Variants in EVC2 observed in about 807,000 individuals in gnomAD.
EVC2 encodes EvC ciliary complex subunit 2.
A neutral mutation model predicts 149.3 loss-of-function variants in EVC2; 148 were observed. The observed-to-expected ratio is 0.99, with a 90% CI of 0.87 to 1.14. EVC2 has a LOEUF of 1.14. Ranked by LOEUF, EVC2 falls within the 50% of genes most tolerant of loss-of-function variation. The pLI is 0.00. For missense variants in EVC2, 1,854 were observed against 1,627.3 expected, an observed-to-expected ratio of 1.14 and a Z score of -2.40; for synonymous variants, 776 against 649.9, an observed-to-expected ratio of 1.19 and a Z score of -2.95.
chr4:5,636,437 T>C lies in EVC2; in HGVS notation c.1470+4077A>G, dbSNP rs1056259684. On this transcript the variant is annotated intron_variant, in intron 10 of 21. Coordinates refer to ENST00000344408, the MANE Select transcript of EVC2 (RefSeq NM_147127.5). The surrounding 1 kb of genome is among the most constrained non-coding windows in gnomAD (Gnocchi z 4.6). ...GTGTATTGAACACATACAGACTATT[T>C]TTTTCTTGTTGTTATTCCCTAAACA... Among the ~76,000 whole-genome samples the C allele has an allele frequency of 1.3e-5, 2 of 152,230 alleles. No individual in the cohort carries two copies. Among genetic ancestry groups the C allele is most frequent in the Non-Finnish European group, 2.9e-5 (2 of 68,034 alleles).
intron 21 of EVC2, 22 bp downstream of exon 21, chr4:5,565,236 A>C: frequency 1.2e-6 from 2 of 1,610,224 alleles, no homozygotes; most frequent in Non-Finnish European, 1.7e-6. Flanking sequence ...CCCCAGCCAC[A>C]TGAGCAGGTG....
the EVC2 span, among the ~76,000 whole-genome samples, chr4:5,533,585 C>G: frequency 6.6e-6 from 1 of 152,210 alleles, no homozygotes; most frequent in African/African-American, 2.4e-5. Context: ...GATTAAGATG[C>G]TTGTCTCACG....
chr4:5,534,286 T>C, the EVC2 span, among the ~76,000 whole-genome samples: 1 of 152,164 alleles, frequency 6.6e-6, no homozygotes, highest in South Asian at 2.1e-4. Flanking sequence ...GTGGGTGCTG[T>C]TCACTGCCAC....
chr4:5,694,976 T>C (rs1380052456), intron 2 of EVC2, among the ~76,000 whole-genome samples: 2 of 152,116 alleles, frequency 1.3e-5, no homozygotes, highest in African/African-American at 4.8e-5. Context: ...GAGTAAGCCC[T>C]CAGTGAACAC....
intron 19 of EVC2, 116 bp downstream of exon 19, chr4:5,574,569 G>A (rs531411166): frequency 9.6e-7 from 1 of 1,046,264 alleles, no homozygotes. Context: ...TGCTCTGCAG[G>A]TTCCAAGGCT....
chr4:5,663,088 T>A lies in EVC2; in HGVS notation c.1145+19A>T. The A allele has an allele frequency of 1.2e-6, 2 of 1,613,782 alleles. No homozygotes were observed. The highest frequency in any genetic ancestry group is 2.2e-5 in the South Asian group (2 of 91,046). On this transcript the variant is annotated intron_variant, in intron 9 of 21. Transcript: ENST00000344408. ...ATTCATCACATGTGTGTAAGTATAA[T>A]GGGATTTAGAATTCTTACTCTTCTA...
intron 5 of EVC2, among the ~76,000 whole-genome samples, chr4:5,687,367 C>T (rs1400399730): frequency 6.6e-6 from 1 of 152,182 alleles, no homozygotes; most frequent in African/African-American, 2.4e-5. Flanking sequence ...GCTTTAACTC[C>T]CTTACCCTCA....
At position 5,657,184 on chromosome 4, in the gene EVC2, T is replaced by A. The variant is rs1182902653; in HGVS notation, c.1145+5923A>T. 1.3e-5 allele frequency among the ~76,000 whole-genome samples: 2 copies of A among 152,146 alleles called. No homozygotes were observed. The highest frequency in any genetic ancestry group is 1.9e-4 in the East Asian group (1 of 5,162). ...CCATGTTGCTCAGCAAGTCTGGGTT[T>A]CTCTAGTAAGCCACTTCCCCGTGGT... is the stretch of plus-strand genomic sequence containing the variant. On this transcript the variant is annotated intron_variant, in intron 9 of 21. Transcript: ENST00000344408. The surrounding 1 kb of genome is among the most constrained non-coding windows in gnomAD (Gnocchi z 4.7).
At chr4:5,676,055 G>A (rs1431002921) in intron 7 of EVC2, among the ~76,000 whole-genome samples, 1 of 152,182 alleles carries the variant, frequency 6.6e-6, no homozygotes, top group Non-Finnish European at 1.5e-5. Context: ...CCTGGCAGCA[G>A]AACACTGTGA....
intron 7 of EVC2, among the ~76,000 whole-genome samples, chr4:5,675,072 T>C (rs1719903552): frequency 6.6e-6 from 1 of 152,220 alleles, no homozygotes; most frequent in South Asian, 2.1e-4. Flanking sequence ...AGCCTCGTCT[T>C]TGGGAAATTC....
At chr4:5,588,105 G>A (rs985668786) in intron 16 of EVC2, among the ~76,000 whole-genome samples, 1 of 152,068 alleles carries the variant, frequency 6.6e-6, no homozygotes, top group Non-Finnish European at 1.5e-5. Context: ...AAAACTTTCA[G>A]CATTGTAAGT....
chr4:5,579,156 G>A (rs1350779441), intron 17 of EVC2, among the ~76,000 whole-genome samples: 2 of 152,092 alleles, frequency 1.3e-5, no homozygotes, highest in African/African-American at 4.8e-5. Flanking sequence ...CTTGGCCACC[G>A]TGCAGGGGGG....
At chr4:5,694,983 A>C (rs1308797035) in intron 2 of EVC2, among the ~76,000 whole-genome samples, 1 of 152,134 alleles carries the variant, frequency 6.6e-6, no homozygotes, top group African/African-American at 2.4e-5. Context: ...CCCTCAGTGA[A>C]CACCACCAAC....
chr4:5,640,494 T>C lies in EVC2; in HGVS notation c.1470+20A>G, dbSNP rs375025494. 5.8e-5 allele frequency: 94 copies of C among 1,613,774 alleles called. No individual in the cohort carries two copies. The African/African-American group carries it at 1.1e-3, about 19-fold the overall frequency. On this transcript the variant is annotated intron_variant, in intron 10 of 21. Transcript: ENST00000344408. This position sits in a 1 kb window ranked among gnomAD's most constrained non-coding sequence, Gnocchi z 4.6. ...CTGAGAGAAAGGGAAGTGAACGCCTTCCTTTCAGACCTGTCTTACCCTCTC... is the reference window on the plus strand; with the variant it reads ...CTGAGAGAAAGGGAAGTGAACGCCTCCCTTTCAGACCTGTCTTACCCTCTC...
intron 1 of EVC2, among the ~76,000 whole-genome samples, chr4:5,704,409 G>T (rs2078030294): frequency 6.6e-6 from 1 of 152,138 alleles, no homozygotes; most frequent in South Asian, 2.1e-4. Flanking sequence ...CAGGAAGGGA[G>T]GCAAGGGGCA....
intron 8 of EVC2, 139 bp from the exon 9 acceptor site, chr4:5,663,385 A>G: frequency 8.4e-7 from 1 of 1,184,676 alleles, no homozygotes; most frequent in South Asian, 1.2e-5. Flanking sequence ...GTAAACCCAG[A>G]CAAGCTTTTG....
chr4:5,666,506 G>GT (rs1487829715), intron 7 of EVC2, among the ~76,000 whole-genome samples: 2 of 152,048 alleles, frequency 1.3e-5, no homozygotes, highest in African/African-American at 2.4e-5. Flanking sequence ...GTGACTTTTT[G>GT]TTTTTCCTGA....
At chr4:5,659,499 C>T (rs4689272) in intron 9 of EVC2, among the ~76,000 whole-genome samples, 36,178 of 151,000 alleles carry the variant, frequency 0.24, 4,643 homozygotes, top group East Asian at 0.48. Flanking sequence ...AATGTTGGGA[C>T]GGGAGGGAGG....
At chr4:5,589,994 G>A (rs960469151) in intron 16 of EVC2, among the ~76,000 whole-genome samples, 5 of 152,176 alleles carry the variant, frequency 3.3e-5, no homozygotes, top group Admixed American at 2.0e-4. Flanking sequence ...AGGTGGAGGG[G>A]TCAGGGAAAG....
Sources: allele counts gnomAD v4.1 joint callset (sites outside exome capture counted in the v4.1 genomes callset), GRCh38; gene constraint gnomAD v4.1.1; non-coding constraint Gnocchi (gnomAD v3.1); transcripts MANE v1.5; gene names NCBI Gene and HGNC (gene_info 2026-07-23, HGNC 2026-07-21).